ZNF518A: variants seen among roughly 807,000 people sequenced by gnomAD.
ZNF518A encodes the protein zinc finger protein 518.
A neutral mutation model predicts 102.7 loss-of-function variants in ZNF518A; 47 were observed. The observed-to-expected ratio is 0.46, with a 90% CI of 0.36 to 0.58. The LOEUF (loss-of-function observed/expected upper bound fraction) is 0.58, where lower values mean the gene tolerates loss of function less well. Among genes scored for constraint, ZNF518A ranks in the 20% least tolerant of loss-of-function variants. The pLI is 0.00. For synonymous variants in ZNF518A, 652 were observed against 594.6 expected, an observed-to-expected ratio of 1.10 and a Z score of -1.40; for missense variants, 1,793 against 1,699.8, an observed-to-expected ratio of 1.05 and a Z score of -0.96.
intron 1 of ZNF518A, among the ~76,000 whole-genome samples, chr10:96,173,746 A>G (rs10882734): frequency 0.31 from 46,564 of 152,036 alleles, 8,241 homozygotes; most frequent in East Asian, 0.66. Flanking sequence ...GCAAGGAAAT[A>G]GAAAACTTGA....
Position 96,160,964 on chromosome 10 carries a change from A to T in ZNF518A, c.*190A>T. The T allele has an allele frequency of 3.7e-6, 2 of 546,170 alleles. No homozygotes were observed. Among genetic ancestry groups the T allele is most frequent in the Non-Finnish European group, 6.0e-6 (2 of 336,122 alleles). 33.8% of individuals were successfully genotyped at this position (546,170 alleles called of 1,614,324 possible). ...ATTTGAAAATGCTATCCCTGCACTC[A>T]AAAGTTTTGAAAGAAACTAATCACA... On this transcript the variant is annotated 3_prime_UTR_variant, in exon 6 of 6. Coordinates refer to ENST00000316045, the MANE Select transcript of ZNF518A (RefSeq NM_001330736.2).
intron 3 of ZNF518A, among the ~76,000 whole-genome samples, chr10:96,138,365 C>G (rs587620174): frequency 6.6e-6 from 1 of 152,292 alleles, no homozygotes; most frequent in East Asian, 1.9e-4. Flanking sequence ...AGCTTTCCCT[C>G]TAATGCTTTC....
chr10:96,155,637 G>A (rs1216705638), intron 4 of ZNF518A: 2 of 152,102 alleles, frequency 1.3e-5, no homozygotes, highest in African/African-American at 2.4e-5. Flanking sequence ...ACCGTCTTTG[G>A]TTGTTTCCGT....
Position 96,130,329 on chromosome 10 carries a change from G to A in ZNF518A, c.-876G>A, listed in dbSNP as rs1462344949. 1.3e-5 allele frequency among the ~76,000 whole-genome samples: 2 copies of A among 152,202 alleles called. No individual in the cohort carries two copies. The highest frequency in any genetic ancestry group is 1.3e-4 in the Admixed American group (2 of 15,282). ...CGCAAAGTTTTTCTGGAGAAGTCGG[G>A]GTTTTTTTGCCGAGCGCTTTTGCCG... On this transcript the variant is annotated 5_prime_UTR_variant, in exon 1 of 6. Coordinates refer to ENST00000316045, the MANE Select transcript of ZNF518A (RefSeq NM_001330736.2).
In ZNF518A at chr10:96,158,908, AAAAC is replaced by A. The variant is rs2082848718; in HGVS notation, c.2589_2592del (p.Gln864CysfsTer8). On this transcript the variant is annotated frameshift_variant, in exon 6 of 6. Coordinates refer to ENST00000316045, the MANE Select transcript of ZNF518A (RefSeq NM_001330736.2). LOFTEE classifies it high-confidence loss of function. ...ATTTGAATTTGAAATTTGGAAAAGAAAAACAAGTGTCATCAATACCACAAGATGT... is the reference window on the plus strand; with the variant it reads ...ATTTGAATTTGAAATTTGGAAAAGAAAAGTGTCATCAATACCACAAGATGT... 1 of 1,613,708 alleles carries A rather than the reference AAAAC, an allele frequency of 6.2e-7. No individual in the cohort carries two copies. The highest frequency in any genetic ancestry group is 8.5e-7 in the Non-Finnish European group (1 of 1,179,710).
downstream of ZNF518A, among the ~76,000 whole-genome samples, chr10:96,166,699 G>A (rs1181666848): frequency 2.0e-5 from 3 of 152,114 alleles, no homozygotes; most frequent in Non-Finnish European, 4.4e-5. Context: ...CCCGGGAGGC[G>A]GAACTTGCAG....
chr10:96,190,982 A>G (rs2083318778), intron 1 of ZNF518A, among the ~76,000 whole-genome samples: 1 of 152,116 alleles, frequency 6.6e-6, no homozygotes, highest in South Asian at 2.1e-4. Context: ...CTCATCTTGA[A>G]TTGTAGCTCC....
intron 3 of ZNF518A, among the ~76,000 whole-genome samples, chr10:96,152,977 CCT>C (rs1390311865): frequency 2.0e-5 from 3 of 152,078 alleles, no homozygotes. Context: ...GCTGAGAAAT[CCT>C]GTAAGAGGTT....
intron 1 of ZNF518A, among the ~76,000 whole-genome samples, chr10:96,192,544 G>A (rs1231984844): frequency 6.6e-6 from 1 of 152,002 alleles, no homozygotes; most frequent in Non-Finnish European, 1.5e-5. Context: ...ACAAAATTAT[G>A]TTTTGTTTTC....
rs781842287 is a variant in ZNF518A at position 96,158,601 on chromosome 10, T to G, written c.2279T>G (p.Met760Arg). 1.2e-6 allele frequency: 2 copies of G among 1,613,294 alleles called. No individual in the cohort carries two copies. The highest frequency in any genetic ancestry group is 1.7e-6 in the Non-Finnish European group (2 of 1,179,670). The change falls in exon 6 of 6, where the codon ATG (methionine) becomes AGG (arginine). Residue 760 changes from methionine (M) to arginine (R), a missense_variant. By Grantham distance (91) the Met-to-Arg change is moderately conservative (BLOSUM62 -1). Transcript: ENST00000316045. ...WEDFSNVDSP[M>R]MPRITSVFSL... ...GACTTTTCTAATGTCGATTCACCTA[T>G]GATGCCTAGAATCACATCTGTTTTC...
chr10:96,150,198 G>A (rs773275769), intron 3 of ZNF518A, among the ~76,000 whole-genome samples: 1 of 151,772 alleles, frequency 6.6e-6, no homozygotes, highest in African/African-American at 2.4e-5. Flanking sequence ...ACCAGGCGTG[G>A]TGGTGGGCTC....
At chr10:96,150,273 G>T (rs1490288957) in intron 3 of ZNF518A, among the ~76,000 whole-genome samples, 1 of 151,020 alleles carries the variant, frequency 6.6e-6, no homozygotes, top group Non-Finnish European at 1.5e-5. Flanking sequence ...GGCGGAGCTT[G>T]CAGTGAGCTG....
intron 1 of ZNF518A, among the ~76,000 whole-genome samples, chr10:96,132,033 T>C (rs1554872152): frequency 6.6e-6 from 1 of 151,810 alleles, no homozygotes; most frequent in East Asian, 1.9e-4. Context: ...TTTCTTTAAA[T>C]GATAGGAGAC....
At chr10:96,196,854 G>T (rs587693697) in intron 1 of ZNF518A, 1 of 1,545,294 alleles carries the variant, frequency 6.5e-7, no homozygotes. Context: ...AGTATTTGAT[G>T]TCATTATACT....
intron 1 of ZNF518A, among the ~76,000 whole-genome samples, chr10:96,175,459 G>T (rs1564801576): frequency 6.6e-6 from 1 of 152,240 alleles, no homozygotes. Flanking sequence ...GGGTCTTCTG[G>T]ATAAGATGCT....
At chr10:96,146,521 C>G (rs1165365129) in intron 3 of ZNF518A, among the ~76,000 whole-genome samples, 3 of 152,108 alleles carry the variant, frequency 2.0e-5, no homozygotes, top group Admixed American at 6.5e-5. Context: ...GTTTTGAATT[C>G]TAGTGAAGTT....
intron 1 of ZNF518A, among the ~76,000 whole-genome samples, chr10:96,194,890 C>T (rs1003057082): frequency 4.0e-5 from 6 of 150,740 alleles, no homozygotes; most frequent in African/African-American, 1.5e-4. Flanking sequence ...CCTGCCTCAG[C>T]CTCCTGTGTA....
Position 96,156,260 on chromosome 10 carries a change from TAAA to T in ZNF518A, c.-62_-60del. 1 of 1,491,066 alleles carries T rather than the reference TAAA, an allele frequency of 6.7e-7. No individual in the cohort carries two copies. The highest frequency in any genetic ancestry group is 8.9e-7 in the Non-Finnish European group (1 of 1,120,134). The allele number at this position is 1,491,066 out of a possible 1,614,324, so 92.4% of individuals were successfully genotyped here. On this transcript the variant is annotated 5_prime_UTR_variant, in exon 6 of 6. Coordinates refer to ENST00000316045, the MANE Select transcript of ZNF518A (RefSeq NM_001330736.2). ...TCTCTACACAGTATCGTTTCCTGTT[TAAA>T]TTACAGATAACTTCAAGAGTTTTCA...
chr10:96,182,092 T>G (rs2083243782), intron 1 of ZNF518A, among the ~76,000 whole-genome samples: 1 of 152,222 alleles, frequency 6.6e-6, no homozygotes, highest in African/African-American at 2.4e-5. Context: ...TTCTTCTCTT[T>G]GAAGCAATTG....
Sources: allele counts gnomAD v4.1 joint callset (sites outside exome capture counted in the v4.1 genomes callset), GRCh38; gene constraint gnomAD v4.1.1; transcripts MANE v1.5; gene names NCBI Gene and HGNC (gene_info 2026-07-23, HGNC 2026-07-21).